Variants in PREX1 observed in about 807,000 individuals in gnomAD.
The protein encoded by PREX1 is phosphatidylinositol-3,4,5-trisphosphate dependent Rac exchange factor 1.
Under a neutral mutation model 198.3 loss-of-function variants are expected in PREX1, and 41 were observed. That is an observed-to-expected ratio of 0.21 (90% CI 0.16 to 0.27). The LOEUF is 0.27. PREX1 is among the 10% of genes least tolerant of loss of function. The probability of loss-of-function intolerance (pLI) is 1.00; values close to 1 mark genes in which losing one functional copy is unlikely to be tolerated. For synonymous variants in PREX1, 843 were observed against 887.2 expected, an observed-to-expected ratio of 0.95 and a Z score of 0.89; for missense variants, 1,620 against 2,200.7, an observed-to-expected ratio of 0.74 and a Z score of 5.28.
At chr20:48,629,156 C>T (rs765918453) in intron 37 of PREX1, among the ~76,000 whole-genome samples, 6 of 152,184 alleles carry the variant, frequency 3.9e-5, no homozygotes, top group Non-Finnish European at 8.8e-5. Context: ...CCAGCCATTG[C>T]TATTGTTAAT....
At chr20:48,804,457 G>A (rs1187717297) in intron 1 of PREX1, among the ~76,000 whole-genome samples, 1 of 152,202 alleles carries the variant, frequency 6.6e-6, no homozygotes, top group African/African-American at 2.4e-5. Context: ...CAAATACCTG[G>A]AGAATGTTCC....
At chr20:48,685,211 G>A (rs2089777296) in intron 10 of PREX1, among the ~76,000 whole-genome samples, 1 of 152,232 alleles carries the variant, frequency 6.6e-6, no homozygotes, top group African/African-American at 2.4e-5. Flanking sequence ...CTGAGTGGGT[G>A]AATGAATGAG....
intron 37 of PREX1, 119 bp from the exon 38 acceptor site, chr20:48,628,082 T>C: frequency 1.4e-6 from 1 of 722,568 alleles, no homozygotes. Context: ...CTCCGAGGCC[T>C]CCCAGACCCA....
the PREX1 span, among the ~76,000 whole-genome samples, chr20:48,846,802 A>T: frequency 6.6e-6 from 1 of 152,118 alleles, no homozygotes; most frequent in Non-Finnish European, 1.5e-5. Flanking sequence ...GAGGGCCAGG[A>T]GAGAAGCAAC....
At chr20:48,798,137 G>T (rs1445768220) in intron 1 of PREX1, among the ~76,000 whole-genome samples, 1 of 152,104 alleles carries the variant, frequency 6.6e-6, no homozygotes, top group Non-Finnish European at 1.5e-5. Context: ...CAAGTCTGCC[G>T]CATCTATCCT....
chr20:48,799,947 G>T (rs2090379299), intron 1 of PREX1, among the ~76,000 whole-genome samples: 2 of 152,204 alleles, frequency 1.3e-5, no homozygotes, highest in African/African-American at 4.8e-5. Flanking sequence ...TGCCATAAAG[G>T]GGGCCTTGGG....
intron 3 of PREX1, among the ~76,000 whole-genome samples, chr20:48,738,984 G>T (rs1315334247): frequency 2.6e-5 from 4 of 152,156 alleles, no homozygotes; most frequent in Admixed American, 2.6e-4. Context: ...TGTGGGGAGA[G>T]GGGGGTTAAA....
intron 33 of PREX1, 101 bp downstream of exon 33, chr20:48,634,575 G>T (rs772294856): frequency 3.8e-5 from 46 of 1,214,938 alleles, no homozygotes; most frequent in Non-Finnish European, 4.8e-5. Context: ...ACCTTGGGCA[G>T]CTGGCCCAGA....
intron 7 of PREX1, among the ~76,000 whole-genome samples, chr20:48,693,889 T>C (rs1026837994): frequency 2.6e-5 from 4 of 151,760 alleles, no homozygotes; most frequent in African/African-American, 9.7e-5. Context: ...ATTACAGGTG[T>C]GAGCCACCGT....
chr20:48,780,852 A>G (rs2090286210), intron 1 of PREX1, among the ~76,000 whole-genome samples: 1 of 152,192 alleles, frequency 6.6e-6, no homozygotes, highest in Non-Finnish European at 1.5e-5. Flanking sequence ...ATTACAAAGG[A>G]AAATTAGTAA....
intron 15 of PREX1, among the ~76,000 whole-genome samples, chr20:48,664,254 G>A (rs568259167): frequency 1.1e-4 from 16 of 152,042 alleles, no homozygotes; most frequent in Middle Eastern, 3.4e-3. Flanking sequence ...GGGTGCCTGC[G>A]GTCCCAGCTA....
intron 1 of PREX1, among the ~76,000 whole-genome samples, chr20:48,752,208 T>C (rs923132764): frequency 2.0e-5 from 3 of 152,192 alleles, no homozygotes; most frequent in African/African-American, 4.8e-5. Context: ...CTGGGCACCT[T>C]CTCTCCCTGC....
the PREX1 span, among the ~76,000 whole-genome samples, chr20:48,880,449 T>A: frequency 1.3e-5 from 2 of 152,294 alleles, no homozygotes; most frequent in Non-Finnish European, 2.9e-5. Flanking sequence ...GAGGATACGA[T>A]CTCTTTCTAT....
chr20:48,734,734 G>A, intron 3 of PREX1, 84 bp from the exon 4 acceptor site: 1 of 1,243,620 alleles, frequency 8.0e-7, no homozygotes, highest in Non-Finnish European at 1.2e-6. Context: ...TGGGCTGGTA[G>A]GGTAGGGGTA....
At chr20:48,781,763 G>A (rs547280895) in intron 1 of PREX1, among the ~76,000 whole-genome samples, 1 of 152,258 alleles carries the variant, frequency 6.6e-6, no homozygotes, top group South Asian at 2.1e-4. Context: ...TCCACCTCCA[G>A]GAGCTATTAT....
In PREX1 at chr20:48,751,507, G is replaced by A. The variant is rs146987270; in HGVS notation, c.220-3627C>T. Among the ~76,000 whole-genome samples the A allele has an allele frequency of 6.9e-3, 1,048 of 152,314 alleles. 16 individuals are homozygous for A. Among genetic ancestry groups the A allele is most frequent in the African/African-American group, 0.024 (991 of 41,564 alleles). ...GGCCACAATGGGCAGCTCGTGACCC[G>A]GAAAGAATGGGCAGCAGAGGCTCTG... On this transcript the variant is annotated intron_variant, in intron 1 of 39. Coordinates refer to ENST00000371941, the MANE Select transcript of PREX1 (RefSeq NM_020820.4).
chr20:48,646,174 G>T, intron 25 of PREX1, 117 bp from the exon 26 acceptor site: 2 of 1,006,536 alleles, frequency 2.0e-6, no homozygotes, highest in South Asian at 2.9e-5. Context: ...GGGGGTGGGA[G>T]ACTCGCAAGT....
chr20:48,688,734 C>T lies in PREX1; in HGVS notation c.1257G>A (p.Met419Ile). ...IAEKGEKLYH[M>I]MMNKKVNLIK... ...TGAGGTTCACCTTCTTGTTCATCAT[C>T]ATGTGGTACAGCTTCTCCCCCTTCT... is the stretch of plus-strand genomic sequence containing the variant. The change falls in exon 10 of 40, where the codon ATG becomes ATA. Residue 419 changes from methionine to isoleucine, a missense_variant. Met to Ile is a conservative substitution (Grantham distance 10, BLOSUM62 1). Coordinates refer to ENST00000371941, the MANE Select transcript of PREX1 (RefSeq NM_020820.4). The T allele has an allele frequency of 6.2e-7, 1 of 1,614,204 alleles. No homozygotes were observed. The highest frequency in any genetic ancestry group is 8.5e-7 in the Non-Finnish European group (1 of 1,180,032).
chr20:48,847,027 C>T, the PREX1 span, among the ~76,000 whole-genome samples: 1 of 152,256 alleles, frequency 6.6e-6, no homozygotes, highest in South Asian at 2.1e-4. Flanking sequence ...CCTCTCAGTT[C>T]CTCATCAGCC....
Sources: gnomAD v4.1 joint callset for allele counts (sites outside exome capture counted in the v4.1 genomes callset) on GRCh38, gnomAD v4.1.1 for gene constraint, MANE v1.5 for transcripts, NCBI Gene and HGNC (gene_info 2026-07-23, HGNC 2026-07-21) for gene names.